The following BICC1 variants were observed in gnomAD, a reference collection of about 807,000 sequenced individuals.
The protein encoded by BICC1 is protein bicaudal C homolog 1.
A neutral mutation model predicts 111.0 loss-of-function variants in BICC1; 43 were observed. The ratio of observed to expected loss-of-function variants is 0.39; its 90% CI spans 0.30 to 0.50. BICC1 has a LOEUF of 0.50. Ranked by LOEUF, BICC1 falls within the 20% of genes least tolerant of loss-of-function variation. BICC1 has a pLI of 0.88. For missense variants in BICC1, 1,091 were observed against 1,203.2 expected, an observed-to-expected ratio of 0.91 and a Z score of 1.38; for synonymous variants, 467 against 434.4, an observed-to-expected ratio of 1.07 and a Z score of -0.93.
chr10:58,532,046 A>G (rs1842694764), intron 1 of BICC1, among the ~76,000 whole-genome samples: 1 of 151,860 alleles, frequency 6.6e-6, no homozygotes, highest in Non-Finnish European at 1.5e-5. Context: ...CAAATGTGAA[A>G]AAGGAAATAG....
At position 58,608,544 on chromosome 10, in the gene BICC1, A is replaced by G. The variant is rs144420707; in HGVS notation, c.191-12311A>G. On this transcript the variant is annotated intron_variant, in intron 1 of 20. Transcript: ENST00000373886. ...AAATAATCAGTTCAAAAGTCTCTAC[A>G]GTAGTTATTCTTTGAATTCCTGTGC... Among the ~76,000 whole-genome samples, 38 of 152,350 alleles carry G rather than the reference A, an allele frequency of 2.5e-4. 1 individual carries two copies. The East Asian group carries it at 6.7e-3, about 27-fold the overall frequency.
intron 1 of BICC1, among the ~76,000 whole-genome samples, chr10:58,576,847 A>G (rs771176081): frequency 6.6e-6 from 1 of 152,172 alleles, no homozygotes; most frequent in African/African-American, 2.4e-5. Context: ...AGAGAGAAAG[A>G]AAGTTATCCC....
intron 3 of BICC1, among the ~76,000 whole-genome samples, chr10:58,719,371 C>T (rs1740722750): frequency 6.6e-6 from 1 of 152,200 alleles, no homozygotes; most frequent in Admixed American, 6.5e-5. Flanking sequence ...TTCCAACTGG[C>T]CAACTCCTAC....
At chr10:58,715,781 CAG>C (rs1436858355) in intron 3 of BICC1, 66 of 1,441,740 alleles carry the variant, frequency 4.6e-5, no homozygotes, top group Admixed American at 1.9e-4. Flanking sequence ...TGGAAAAACA[CAG>C]GGAGAAATTG....
At chr10:58,798,861 T>C (rs1843443826) in intron 11 of BICC1, among the ~76,000 whole-genome samples, 195 bp from the exon 12 acceptor site, 1 of 152,214 alleles carries the variant, frequency 6.6e-6, no homozygotes, top group African/African-American at 2.4e-5. Flanking sequence ...TTGGATTAAA[T>C]ATTCTCTATG....
rs1842146164 is a variant in BICC1, at chr10:58,513,311, G to A, written c.168G>A (p.Lys56=). 6 of 1,609,056 alleles carry A rather than the reference G, an allele frequency of 3.7e-6. No individual in the cohort carries two copies. The highest frequency in any genetic ancestry group is 1.3e-5 in the African/African-American group (1 of 74,790). The change falls in exon 1 of 21, where the codon AAG becomes AAA. Residue 56 remains lysine (K), a synonymous_variant. Transcript: ENST00000373886. ...AGGAGCGCTTCCGCGTGGACAGGAA[G>A]AAACTTGAGGCCATGTTACAAGGTA... ...WSEERFRVDR[K]KLEAMLQAAA...
At chr10:58,821,515 A>T (rs1318857025) in intron 20 of BICC1, among the ~76,000 whole-genome samples, 7 of 152,122 alleles carry the variant, frequency 4.6e-5, no homozygotes, top group African/African-American at 1.7e-4. Flanking sequence ...TCCCATAGGA[A>T]ATCTTTATCT....
chr10:58,821,278 AAGAC>A (rs1844243937), intron 20 of BICC1, among the ~76,000 whole-genome samples: 1 of 152,124 alleles, frequency 6.6e-6, no homozygotes, highest in Non-Finnish European at 1.5e-5. Flanking sequence ...CAGTCTCAGA[AAGAC>A]AGACACACCA....
At chr10:58,609,932 G>A (rs1161069024) in intron 1 of BICC1, among the ~76,000 whole-genome samples, 1 of 152,160 alleles carries the variant, frequency 6.6e-6, no homozygotes, top group East Asian at 1.9e-4. Context: ...CAGACTAAAC[G>A]ATGCTTCAGG....
At chr10:58,604,642 CAG>C (rs1478490164) in intron 1 of BICC1, among the ~76,000 whole-genome samples, 1 of 152,120 alleles carries the variant, frequency 6.6e-6, no homozygotes, top group Non-Finnish European at 1.5e-5. Flanking sequence ...GCCTGGGTAA[CAG>C]AGCGGGGGAA....
chr10:58,660,485 T>TA (rs1004203160), intron 2 of BICC1, among the ~76,000 whole-genome samples: 319 of 141,716 alleles, frequency 2.3e-3, no homozygotes, highest in Middle Eastern at 3.7e-3. Flanking sequence ...CTTAACCCAT[T>TA]AAAAAAAAAA....
intron 1 of BICC1, among the ~76,000 whole-genome samples, chr10:58,562,274 CT>C (rs1843626834): frequency 6.6e-6 from 1 of 151,964 alleles, no homozygotes; most frequent in African/African-American, 2.4e-5. Context: ...GTCTTATTGG[CT>C]TTCTCCATTC....
chr10:58,536,196 T>C (rs1842821778), intron 1 of BICC1, among the ~76,000 whole-genome samples: 1 of 151,596 alleles, frequency 6.6e-6, no homozygotes, highest in Non-Finnish European at 1.5e-5. Context: ...AAAGAAATAC[T>C]GGACTCTAGA....
intron 17 of BICC1, among the ~76,000 whole-genome samples, chr10:58,807,680 A>G (rs1221271168): frequency 6.6e-6 from 1 of 152,192 alleles, no homozygotes; most frequent in South Asian, 2.1e-4. Context: ...TGCCCTGCTC[A>G]GGGTGAGACT....
intron 2 of BICC1, among the ~76,000 whole-genome samples, chr10:58,687,658 A>G (rs1839779480): frequency 6.6e-6 from 1 of 152,154 alleles, no homozygotes; most frequent in African/African-American, 2.4e-5. Flanking sequence ...TGGGCATGGG[A>G]TCTTCCAAGC....
chr10:58,784,700 TATATG>T (rs1420069281), intron 3 of BICC1, among the ~76,000 whole-genome samples: 18 of 151,832 alleles, frequency 1.2e-4, no homozygotes, highest in Non-Finnish European at 2.4e-4. Flanking sequence ...AAAAAAAAAT[TATATG>T]ATATTTTTAT....
chr10:58,806,881 G>A, intron 16 of BICC1, 123 bp from the exon 17 acceptor site: 1 of 904,898 alleles, frequency 1.1e-6, no homozygotes, highest in Admixed American at 2.9e-5. Flanking sequence ...GACATTTTGT[G>A]TTAAGAAATA....
At position 58,622,850 on chromosome 10, in the gene BICC1, G is replaced by C. The variant is rs1046129535; in HGVS notation, c.237+1949G>C. On this transcript the variant is annotated intron_variant, in intron 2 of 20. Transcript: ENST00000373886. ...GTATTCTAGTTTTACATGACATTTT[G>C]GGAAGCATTTAAGAAATAGGCTACA... is the stretch of plus-strand genomic sequence containing the variant. Among the ~76,000 whole-genome samples the C allele has an allele frequency of 2.0e-5, 3 of 152,144 alleles. No homozygotes were observed. The East Asian group carries it at 5.8e-4, about 29-fold the overall frequency.
chr10:58,523,524 CA>C (rs1842449424), intron 1 of BICC1, among the ~76,000 whole-genome samples: 1 of 152,170 alleles, frequency 6.6e-6, no homozygotes, highest in Non-Finnish European at 1.5e-5. Flanking sequence ...TAAAAACTCT[CA>C]ATAAATTAGG....
Sources: allele counts gnomAD v4.1 joint callset (sites outside exome capture counted in the v4.1 genomes callset), GRCh38; gene constraint gnomAD v4.1.1; transcripts MANE v1.5; gene names NCBI Gene and HGNC (gene_info 2026-07-23, HGNC 2026-07-21).